FBXO46: variants seen among roughly 807,000 people sequenced by gnomAD.
The protein encoded by FBXO46 is F-box only protein 46.
In FBXO46, 13 loss-of-function variants were observed where a neutral mutation model predicts 30.7. The observed-to-expected ratio is 0.42, with a 90% CI of 0.28 to 0.67. The LOEUF (loss-of-function observed/expected upper bound fraction) is 0.67, where lower values mean the gene tolerates loss of function less well. Ranked by LOEUF, FBXO46 falls within the 30% of genes least tolerant of loss-of-function variation. FBXO46 has a pLI of 0.21. For synonymous variants in FBXO46, 467 were observed against 385.8 expected (o/e 1.21, Z -2.47); for missense variants, 754 against 871.5 (o/e 0.87, Z 1.70).
At chr19:45,732,532 CAAAAAA>C (rs36071960), upstream of FBXO46, among the ~76,000 whole-genome samples, 13 of 65,758 alleles carry the variant, frequency 2.0e-4, no homozygotes, top group African/African-American at 2.6e-4. Flanking sequence ...TCGTCTCTAC[CAAAAAA>C]AAAAAAAAAA....
intron 1 of FBXO46, among the ~76,000 whole-genome samples, chr19:45,729,347 C>T (rs1329204872): frequency 6.6e-6 from 1 of 152,220 alleles, no homozygotes; most frequent in African/African-American, 2.4e-5. Flanking sequence ...AGGAGAATCG[C>T]TTGAACCCGG....
chr19:45,725,091 C>T (rs530574694), intron 1 of FBXO46, among the ~76,000 whole-genome samples: 2 of 152,130 alleles, frequency 1.3e-5, no homozygotes, highest in East Asian at 1.9e-4. Context: ...CACCACTGTA[C>T]TCCAGCCTGG....
chr19:45,729,808 C>T (rs1441993931), intron 1 of FBXO46, among the ~76,000 whole-genome samples: 1 of 152,218 alleles, frequency 6.6e-6, no homozygotes, highest in East Asian at 1.9e-4. Context: ...AGCTGTAATC[C>T]ACAGTGGGGA....
Position 45,713,417 on chromosome 19 carries a change from G to A in FBXO46, c.79C>T (p.Pro27Ser). 1 of 1,607,216 alleles carries A rather than the reference G, an allele frequency of 6.2e-7. No homozygotes were observed. The highest frequency in any genetic ancestry group is 8.5e-7 in the Non-Finnish European group (1 of 1,175,020). Residue 27 changes from proline to serine, a missense_variant, in exon 2 of 2, where the codon CCG becomes TCG. By Grantham distance (74) the Pro-to-Ser change is moderately conservative. Coordinates refer to ENST00000317683, the MANE Select transcript of FBXO46 (RefSeq NM_001080469.2). This position sits in a 1 kb window ranked among gnomAD's most constrained non-coding sequence, Gnocchi z 4.7. ...FGTYSQNQPR[P>S]PSAALKPSAC... is the part of the protein sequence containing the mutation. ...GATGGCTTGAGGGCCGCAGAAGGCG[G>A]GCGTGGCTGGTTCTGTGAGTAGGTG...
In FBXO46 at chr19:45,712,507, G is replaced by A. The variant is rs773680434; in HGVS notation, c.989C>T (p.Ala330Val). 40 of 1,603,264 alleles carry A rather than the reference G, an allele frequency of 2.5e-5. No homozygotes were observed. Among genetic ancestry groups the A allele is most frequent in the Non-Finnish European group, 3.2e-5 (37 of 1,174,366 alleles). The stretch of plus-strand genomic sequence containing the variant: ...GCTGTCACCCTCACTGGCCTCATCC[G>A]CCCTGGCCAGCAGGAACTCCACGTT... Reference protein sequence around the residue: ...PSNVEFLLARADEASEGDSPA... With the variant: ...PSNVEFLLARVDEASEGDSPA... The change falls in exon 2 of 2, where the codon GCG (alanine) becomes GTG (valine). Residue 330 changes from alanine (A) to valine (V), a missense_variant. Coordinates refer to ENST00000317683, the MANE Select transcript of FBXO46 (RefSeq NM_001080469.2). The surrounding 1 kb of genome is among the most constrained non-coding windows in gnomAD (Gnocchi z 8.8).
Position 45,723,647 on chromosome 19 carries a change from C to G in FBXO46, c.-79+7202G>C, listed in dbSNP as rs1275492868. On this transcript the variant is annotated intron_variant, in intron 1 of 1. Transcript: ENST00000317683. Reference sequence around the variant, plus strand: ...AATGTAGCTTCAACCTCCTTGGCCGCCAAGCCCAACTAATTCTTCTTTTTT... The same window carrying G: ...AATGTAGCTTCAACCTCCTTGGCCGGCAAGCCCAACTAATTCTTCTTTTTT... 2.6e-5 allele frequency among the ~76,000 whole-genome samples: 4 copies of G among 152,072 alleles called. No homozygotes were observed. The South Asian group carries it at 8.3e-4, about 31-fold the overall frequency.
chr19:45,714,536 T>C (rs894227325), intron 1 of FBXO46: 3 of 152,016 alleles, frequency 2.0e-5, no homozygotes, highest in African/African-American at 7.3e-5. Flanking sequence ...TAGGAGGAGT[T>C]CCAGGCTGCA....
In FBXO46 at chr19:45,711,909, C is replaced by A. The variant is rs766495713; in HGVS notation, c.1587G>T (p.Pro529=). Residue 529 remains proline (P), a synonymous_variant, in exon 2 of 2, where the codon CCG becomes CCT. Coordinates refer to ENST00000317683, the MANE Select transcript of FBXO46 (RefSeq NM_001080469.2). Reference sequence around the variant, plus strand: ...CGTATCTCTTGCGGCACTGTTTGCACGGATCATCGCGGTAGAGCGGGTCTC... The same window carrying A: ...CGTATCTCTTGCGGCACTGTTTGCAAGGATCATCGCGGTAGAGCGGGTCTC... ...WSRDPLYRDD[P]CKQCRKRYEK... is the part of the protein sequence containing the mutation. The A allele has an allele frequency of 1.9e-6, 3 of 1,613,492 alleles. No individual in the cohort carries two copies. The highest frequency in any genetic ancestry group is 2.5e-6 in the Non-Finnish European group (3 of 1,179,828).
At chr19:45,717,076 CA>C (rs1968101066) in intron 1 of FBXO46, 1 of 152,288 alleles carries the variant, frequency 6.6e-6, no homozygotes, top group Non-Finnish European at 1.5e-5. Flanking sequence ...ACCCAAACTC[CA>C]AGGTGCCCCT....
chr19:45,728,113 G>A (rs1968263417), intron 1 of FBXO46, among the ~76,000 whole-genome samples: 1 of 152,178 alleles, frequency 6.6e-6, no homozygotes, highest in Non-Finnish European at 1.5e-5. Context: ...ATAGAGATGG[G>A]GTTTTGCCAT....
At chr19:45,716,761 G>A (rs1343327783) in intron 1 of FBXO46, 1 of 151,728 alleles carries the variant, frequency 6.6e-6, no homozygotes, top group East Asian at 1.9e-4. Context: ...CTTACTGCAC[G>A]CTCGCTGCGA....
At chr19:45,731,213 G>T (rs925250273), upstream of FBXO46, among the ~76,000 whole-genome samples, 1 of 152,206 alleles carries the variant, frequency 6.6e-6, no homozygotes, top group Admixed American at 6.5e-5. Flanking sequence ...TTGGTGAGGG[G>T]TGGAGAGTTG....
upstream of FBXO46, among the ~76,000 whole-genome samples, chr19:45,731,974 G>A (rs900565935): frequency 6.6e-6 from 1 of 151,892 alleles, no homozygotes; most frequent in East Asian, 2.0e-4. Flanking sequence ...AAAATTAGCC[G>A]GGCTGGGTGG....
In FBXO46 at chr19:45,713,033, C is replaced by T. The variant is rs1237511392; in HGVS notation, c.463G>A (p.Ala155Thr). The T allele has an allele frequency of 6.4e-7, 1 of 1,557,528 alleles. No individual in the cohort carries two copies. Among genetic ancestry groups the T allele is most frequent in the Admixed American group, 2.0e-5 (1 of 50,530 alleles). ...GCTGAGGCGGGGCCCTCCTCAGCAG[C>T]AGGGGGGCCCTCCCGGCCCCCTGGG... ...PDPGGREGPP[A>T]AEEGPASAGE... The change falls in exon 2 of 2, where the codon GCT becomes ACT. Residue 155 changes from alanine (A) to threonine (T), a missense_variant. By Grantham distance (58) the Ala-to-Thr change is moderately conservative. Transcript: ENST00000317683. This position sits in a 1 kb window ranked among gnomAD's most constrained non-coding sequence, Gnocchi z 4.7.
chr19:45,718,566 T>TC (rs1332572667), intron 1 of FBXO46, among the ~76,000 whole-genome samples: 1 of 151,926 alleles, frequency 6.6e-6, no homozygotes, highest in Non-Finnish European at 1.5e-5. Context: ...TGCAATACAT[T>TC]CCCCCTCTGC....
chr19:45,722,840 G>A (rs1968191993), intron 1 of FBXO46, among the ~76,000 whole-genome samples: 1 of 151,500 alleles, frequency 6.6e-6, no homozygotes, highest in Non-Finnish European at 1.5e-5. Context: ...GCGGGCACTT[G>A]AGGTCAGGAT....
rs1968038505 is a variant in FBXO46, at chr19:45,713,604, A to AG, written c.-78-32dup. On this transcript the variant is annotated intron_variant, in intron 1 of 1. Transcript: ENST00000317683. This position sits in a 1 kb window ranked among gnomAD's most constrained non-coding sequence, Gnocchi z 4.7. ...GACACGAAGAGGAGGTTGGGGAGCT[A>AG]GGGGGACAGCCTTTCTTCCCAGGAC... 1 of 906,746 alleles carries AG rather than the reference A, an allele frequency of 1.1e-6. No homozygotes were observed. Among genetic ancestry groups the AG allele is most frequent in the Non-Finnish European group, 1.7e-6 (1 of 605,286 alleles). 56.2% of individuals were successfully genotyped at this position (906,746 alleles called of 1,614,324 possible).
At position 45,712,860 on chromosome 19, in the gene FBXO46, C is replaced by A; in HGVS notation, c.636G>T (p.Gly212=). The A allele has an allele frequency of 6.2e-7, 1 of 1,613,492 alleles. No homozygotes were observed. The highest frequency in any genetic ancestry group is 8.5e-7 in the Non-Finnish European group (1 of 1,179,752). ...VSAEQGGPAK[G]VGSERRSGGG... is the part of the protein sequence containing the mutation. Reference sequence around the variant, plus strand: ...CACCGGACCGCCGTTCAGATCCCACCCCCTTGGCCGGTCCACCTTGCTCGG... The same window carrying A: ...CACCGGACCGCCGTTCAGATCCCACACCCTTGGCCGGTCCACCTTGCTCGG... The change falls in exon 2 of 2, where the codon GGG becomes GGT. Residue 212 remains glycine (G), a synonymous_variant. Coordinates refer to ENST00000317683, the MANE Select transcript of FBXO46 (RefSeq NM_001080469.2). The surrounding 1 kb of genome is among the most constrained non-coding windows in gnomAD (Gnocchi z 8.8).
Position 45,713,041 on chromosome 19 carries a change from C to G in FBXO46, c.455G>C (p.Gly152Ala), listed in dbSNP as rs574259552. ...KAPPDPGGRE[G>A]PPAAEEGPAS... ...GGGGCCCTCCTCAGCAGCAGGGGGG[C>G]CCTCCCGGCCCCCTGGGTCAGGAGG... Residue 152 changes from glycine to alanine, a missense_variant, in exon 2 of 2, where the codon GGC (glycine) becomes GCC (alanine). Coordinates refer to ENST00000317683, the MANE Select transcript of FBXO46 (RefSeq NM_001080469.2). This position sits in a 1 kb window ranked among gnomAD's most constrained non-coding sequence, Gnocchi z 4.7. 42 of 1,557,556 alleles carry G rather than the reference C, an allele frequency of 2.7e-5. No individual in the cohort carries two copies. The East Asian group carries it at 8.0e-4, about 30-fold the overall frequency.
Sources: allele counts gnomAD v4.1 joint callset (sites outside exome capture counted in the v4.1 genomes callset), GRCh38; gene constraint gnomAD v4.1.1; non-coding constraint Gnocchi (gnomAD v3.1); transcripts MANE v1.5; gene names NCBI Gene and HGNC (gene_info 2026-07-23, HGNC 2026-07-21).